LGR4: variants seen among roughly 807,000 people sequenced by gnomAD.
The protein encoded by LGR4 is leucine rich repeat containing G protein-coupled receptor 4, also known as leucine-rich repeat-containing G protein-coupled receptor 4.
Under a neutral mutation model 84.8 loss-of-function variants are expected in LGR4, and 44 were observed. The ratio of observed to expected loss-of-function variants is 0.52; its 90% CI spans 0.41 to 0.67. The LOEUF is 0.67. LGR4 is among the 30% of genes least tolerant of loss of function. LGR4 has a pLI of 0.00. For synonymous variants in LGR4, 429 were observed against 434.3 expected, an observed-to-expected ratio of 0.99 and a Z score of 0.15; for missense variants, 1,032 against 1,131.4, an observed-to-expected ratio of 0.91 and a Z score of 1.26.
intron 1 of LGR4, among the ~76,000 whole-genome samples, chr11:27,426,478 C>T (rs6484297): frequency 0.24 from 36,948 of 152,028 alleles, 7,553 homozygotes; most frequent in African/African-American, 0.56. Context: ...CTAGAAAGCA[C>T]AGTGGTTAAC....
intron 5 of LGR4, among the ~76,000 whole-genome samples, chr11:27,384,798 C>G (rs577685008): frequency 6.6e-6 from 1 of 152,212 alleles, no homozygotes; most frequent in African/African-American, 2.4e-5. Context: ...GTAGTTTACA[C>G]CAGTGAGATC....
intron 1 of LGR4, among the ~76,000 whole-genome samples, chr11:27,423,353 G>A (rs1388319269): frequency 1.3e-5 from 2 of 152,186 alleles, no homozygotes; most frequent in African/African-American, 4.8e-5. Context: ...CAAGCTTCCT[G>A]GGATTTCACC....
intron 2 of LGR4, among the ~76,000 whole-genome samples, chr11:27,394,388 T>A (rs1042056312): frequency 2.6e-5 from 4 of 152,122 alleles, no homozygotes; most frequent in Non-Finnish European, 5.9e-5. Flanking sequence ...CTACATTTTT[T>A]ACTTACTTAT....
At chr11:27,412,253 A>T (rs1438987228) in intron 2 of LGR4, among the ~76,000 whole-genome samples, 3 of 152,178 alleles carry the variant, frequency 2.0e-5, no homozygotes, top group East Asian at 3.9e-4. Flanking sequence ...GTTCAGAAAC[A>T]TTCTTAAAGT....
At chr11:27,393,620 C>T (rs1357613082) in intron 2 of LGR4, among the ~76,000 whole-genome samples, 8 of 152,058 alleles carry the variant, frequency 5.3e-5, no homozygotes, top group Non-Finnish European at 8.8e-5. Context: ...TTCCTATTCC[C>T]TCCCTAAAAA....
chr11:27,452,960 A>G (rs1170246617), intron 1 of LGR4, among the ~76,000 whole-genome samples: 1 of 151,930 alleles, frequency 6.6e-6, no homozygotes, highest in Non-Finnish European at 1.5e-5. Context: ...ATTCTGCCAC[A>G]TTGACTTCAA....
At chr11:27,452,318 C>G (rs1590405006) in intron 1 of LGR4, among the ~76,000 whole-genome samples, 1 of 152,194 alleles carries the variant, frequency 6.6e-6, no homozygotes, top group South Asian at 2.1e-4. Context: ...TCCTGCATAC[C>G]CTTCACCCAG....
chr11:27,398,041 T>C (rs964404104), intron 2 of LGR4, among the ~76,000 whole-genome samples: 2 of 152,238 alleles, frequency 1.3e-5, no homozygotes, highest in Admixed American at 6.5e-5. Flanking sequence ...TGAATCTCTT[T>C]TGTGTGCATT....
At chr11:27,472,096 C>T (rs1864887372) in intron 1 of LGR4, 22 bp downstream of exon 1, 6 of 1,067,488 alleles carry the variant, frequency 5.6e-6, no homozygotes, top group African/African-American at 1.6e-5. Flanking sequence ...CCCCCCCTCG[C>T]GTCCCCGCCG....
At chr11:27,459,478 T>C (rs556883380) in intron 1 of LGR4, among the ~76,000 whole-genome samples, 1 of 151,822 alleles carries the variant, frequency 6.6e-6, no homozygotes, top group South Asian at 2.1e-4. Flanking sequence ...GAAGGGCAAA[T>C]TCTTTTTTTT....
chr11:27,453,712 A>C (rs180710935), intron 1 of LGR4, among the ~76,000 whole-genome samples: 136 of 152,348 alleles, frequency 8.9e-4, no homozygotes, highest in African/African-American at 3.2e-3. Context: ...ATGTTGAACA[A>C]ATTAATTTTT....
chr11:27,472,170 C>T lies in LGR4; in HGVS notation c.133G>A (p.Gly45Arg). ...CDGDRRVDCS[G>R]KGLTAVPEGL... Reference sequence around the variant, plus strand: ...TCGGGCACGGCCGTCAGCCCCTTCCCGGAGCAGTCCACCCGACGGTCGCCG... The same window carrying T: ...TCGGGCACGGCCGTCAGCCCCTTCCTGGAGCAGTCCACCCGACGGTCGCCG... Residue 45 changes from glycine (G) to arginine (R), a missense_variant, in exon 1 of 18, where the codon GGG becomes AGG. Coordinates refer to ENST00000379214, the MANE Select transcript of LGR4 (RefSeq NM_018490.5). 1 of 1,384,032 alleles carries T rather than the reference C, an allele frequency of 7.2e-7. No individual in the cohort carries two copies. The highest frequency in any genetic ancestry group is 9.4e-7 in the Non-Finnish European group (1 of 1,064,942). 85.7% of individuals were successfully genotyped at this position (1,384,032 alleles called of 1,614,324 possible). A position where few individuals can be genotyped will look rare whatever the true frequency, so the allele number is the denominator to read the frequency against.
chr11:27,372,119 C>G (rs1862895582), intron 16 of LGR4, among the ~76,000 whole-genome samples, 164 bp downstream of exon 16: 1 of 152,162 alleles, frequency 6.6e-6, no homozygotes, highest in South Asian at 2.1e-4. Flanking sequence ...CCCGCCTTGG[C>G]CTCCCTAAGT....
chr11:27,436,387 ATG>A (rs1864211813), intron 1 of LGR4, among the ~76,000 whole-genome samples: 1 of 128,858 alleles, frequency 7.8e-6, no homozygotes, highest in Non-Finnish European at 1.7e-5. Context: ...GAGAGAGAGG[ATG>A]GGAGGGGAGG....
intron 1 of LGR4, among the ~76,000 whole-genome samples, chr11:27,456,035 G>C (rs943906921): frequency 2.0e-5 from 3 of 152,168 alleles, no homozygotes; most frequent in African/African-American, 7.2e-5. Flanking sequence ...TTATCTGAAT[G>C]GCAGGACAGA....
chr11:27,443,753 T>C (rs994280381), intron 1 of LGR4, among the ~76,000 whole-genome samples: 1 of 152,162 alleles, frequency 6.6e-6, no homozygotes, highest in Non-Finnish European at 1.5e-5. Flanking sequence ...CAGAGTTCTA[T>C]AAAAATAAAC....
intron 12 of LGR4, 149 bp from the exon 13 acceptor site, chr11:27,376,519 C>CAAA: frequency 2.1e-6 from 1 of 469,276 alleles, no homozygotes; most frequent in African/African-American, 2.0e-5. Flanking sequence ...TGAGTTTTTT[C>CAAA]TAAATTTAAA....
chr11:27,379,119 GC>G (rs1863041910), intron 10 of LGR4: 1 of 223,128 alleles, frequency 4.5e-6, no homozygotes, highest in Non-Finnish European at 8.6e-6. Flanking sequence ...CTTGCATTCT[GC>G]CCCCAAATCT....
chr11:27,460,093 A>G (rs1293877176), intron 1 of LGR4, among the ~76,000 whole-genome samples: 1 of 152,130 alleles, frequency 6.6e-6, no homozygotes, highest in Non-Finnish European at 1.5e-5. Context: ...CCGTCTCAAA[A>G]AAAAGAATAA....
Sources: allele counts gnomAD v4.1 joint callset (sites outside exome capture counted in the v4.1 genomes callset), GRCh38; gene constraint gnomAD v4.1.1; transcripts MANE v1.5; gene names NCBI Gene and HGNC (gene_info 2026-07-23, HGNC 2026-07-21).